Variants in LIN7A observed in about 807,000 individuals in gnomAD.
The protein encoded by LIN7A is protein lin-7 homolog A.
A neutral mutation model predicts 29.8 loss-of-function variants in LIN7A; 25 were observed. That is an observed-to-expected ratio of 0.84 (90% CI 0.61 to 1.17). The LOEUF (loss-of-function observed/expected upper bound fraction) is 1.17. LIN7A is among the 50% of genes most tolerant of loss of function. The probability of loss-of-function intolerance (pLI) is 0.00; values close to 1 mark genes in which losing one functional copy is unlikely to be tolerated. For synonymous variants in LIN7A, 118 were observed against 107.5 expected, an observed-to-expected ratio of 1.10 and a Z score of -0.60; for missense variants, 239 against 287.0, an observed-to-expected ratio of 0.83 and a Z score of 1.21.
chr12:80,890,543 C>T (rs187064966), intron 1 of LIN7A, among the ~76,000 whole-genome samples: 2 of 152,184 alleles, frequency 1.3e-5, no homozygotes, highest in East Asian at 1.9e-4. Context: ...TTGTTAGCAC[C>T]TCAGAATCTG....
chr12:80,905,449 T>C (rs936026711), intron 1 of LIN7A, among the ~76,000 whole-genome samples: 2 of 152,220 alleles, frequency 1.3e-5, no homozygotes, highest in Non-Finnish European at 2.9e-5. Flanking sequence ...ATATGGTAAA[T>C]CATCCACAGA....
At chr12:80,933,372 A>G (rs1231339548) in intron 1 of LIN7A, among the ~76,000 whole-genome samples, 1 of 152,126 alleles carries the variant, frequency 6.6e-6, no homozygotes, top group Non-Finnish European at 1.5e-5. Flanking sequence ...GTGACTGTGG[A>G]CCTGCTTTTA....
At chr12:80,909,708 G>A (rs547983283) in intron 1 of LIN7A, among the ~76,000 whole-genome samples, 2 of 152,008 alleles carry the variant, frequency 1.3e-5, no homozygotes, top group Admixed American at 6.6e-5. Context: ...CTAATAGTAC[G>A]GCCTTGGAAG....
chr12:80,798,500 A>T (rs377628754), intron 5 of LIN7A, among the ~76,000 whole-genome samples: 21 of 152,258 alleles, frequency 1.4e-4, no homozygotes, highest in African/African-American at 5.1e-4. Flanking sequence ...GTGGATTGAA[A>T]ACCGTGCATA....
At chr12:80,859,152 G>A (rs1421329925) in intron 2 of LIN7A, among the ~76,000 whole-genome samples, 1 of 152,080 alleles carries the variant, frequency 6.6e-6, no homozygotes, top group East Asian at 1.9e-4. Flanking sequence ...TATAATATTT[G>A]ACACACCGTT....
chr12:80,811,017 A>G (rs1291229146), intron 5 of LIN7A, among the ~76,000 whole-genome samples: 1 of 152,130 alleles, frequency 6.6e-6, no homozygotes, highest in Non-Finnish European at 1.5e-5. Context: ...TCTAAAGGAG[A>G]TCTTTCCAGG....
At chr12:80,837,129 A>T (rs1872619100) in intron 4 of LIN7A, among the ~76,000 whole-genome samples, 1 of 152,114 alleles carries the variant, frequency 6.6e-6, no homozygotes, top group South Asian at 2.1e-4. Context: ...CTGTTTTGAG[A>T]CTAGAAAACC....
In LIN7A at chr12:80,867,545, C is replaced by CT. The variant is rs919543449; in HGVS notation, c.202-19224dup. Among the ~76,000 whole-genome samples, 19 of 152,060 alleles carry CT rather than the reference C, an allele frequency of 1.2e-4. No homozygotes were observed. In the East Asian group the frequency reaches 2.7e-3, roughly 22 times the overall value. ...CAGCTCTGGAGTATCTGCTGTATTC[C>CT]TTTTTTTTCATGATCTAACAGATAG... On this transcript the variant is annotated intron_variant, in intron 2 of 5. Coordinates refer to ENST00000552864, the MANE Select transcript of LIN7A (RefSeq NM_004664.4).
chr12:80,842,190 TCCC>T, intron 4 of LIN7A: 1 of 1,167,172 alleles, frequency 8.6e-7, no homozygotes, highest in Non-Finnish European at 1.1e-6. Context: ...TTTATTGATT[TCCC>T]CCCCTTTCCA....
intron 2 of LIN7A, among the ~76,000 whole-genome samples, chr12:80,868,372 C>G (rs963951048): frequency 1.3e-5 from 2 of 152,158 alleles, no homozygotes; most frequent in African/African-American, 4.8e-5. Flanking sequence ...AGTTCGAGAC[C>G]AGCCTGACCA....
In LIN7A at chr12:80,793,735, G is replaced by A. The variant is rs1870315202; in HGVS notation, c.*3992C>T. The stretch of plus-strand genomic sequence containing the variant: ...ATAAATGATCTTTTGAAAATAGGAA[G>A]AGATTTAGGGATGGTGTCTCCAATT... On this transcript the variant is annotated 3_prime_UTR_variant, in exon 6 of 6. Coordinates refer to ENST00000552864, the MANE Select transcript of LIN7A (RefSeq NM_004664.4). 1 of 152,142 alleles carries A rather than the reference G, an allele frequency of 6.6e-6. No homozygotes were observed. Among genetic ancestry groups the A allele is most frequent in the African/African-American group, 2.4e-5 (1 of 41,448 alleles). 9.4% of individuals were successfully genotyped at this position (152,142 alleles called of 1,614,324 possible).
At chr12:80,848,538 T>C (rs1274400330) in intron 2 of LIN7A, among the ~76,000 whole-genome samples, 1 of 151,990 alleles carries the variant, frequency 6.6e-6, no homozygotes, top group Non-Finnish European at 1.5e-5. Flanking sequence ...ATCATTAAAA[T>C]GTAGTAGAAA....
chr12:80,930,615 C>G (rs1877848385), intron 1 of LIN7A, among the ~76,000 whole-genome samples: 1 of 152,204 alleles, frequency 6.6e-6, no homozygotes, highest in South Asian at 2.1e-4. Context: ...TGTATTCTGA[C>G]ATTAGCTCGT....
intron 5 of LIN7A, among the ~76,000 whole-genome samples, chr12:80,801,552 A>G (rs922322982): frequency 2.6e-5 from 4 of 152,190 alleles, no homozygotes; most frequent in African/African-American, 7.2e-5. Flanking sequence ...GTGATGTACA[A>G]ATTTGTGATG....
intron 5 of LIN7A, among the ~76,000 whole-genome samples, chr12:80,800,934 G>A (rs893823873): frequency 4.6e-5 from 7 of 152,018 alleles, no homozygotes; most frequent in African/African-American, 1.4e-4. Context: ...ATTGATTATT[G>A]TATACCTAGA....
At chr12:80,844,554 C>A (rs12314357) in intron 4 of LIN7A, among the ~76,000 whole-genome samples, 1 of 151,994 alleles carries the variant, frequency 6.6e-6, no homozygotes, top group South Asian at 2.1e-4. Flanking sequence ...TAACTGAAAT[C>A]GAGTTTATAT....
chr12:80,822,789 G>T (rs888370560), intron 4 of LIN7A, among the ~76,000 whole-genome samples: 4 of 152,058 alleles, frequency 2.6e-5, no homozygotes, highest in African/African-American at 9.7e-5. Flanking sequence ...GGTGCCATGG[G>T]CATCAAGGAT....
At chr12:80,866,545 C>T (rs1874144818) in intron 2 of LIN7A, among the ~76,000 whole-genome samples, 1 of 151,996 alleles carries the variant, frequency 6.6e-6, no homozygotes, top group Admixed American at 6.6e-5. Flanking sequence ...ATATGGTTTC[C>T]AAATGTTGCT....
intron 1 of LIN7A, among the ~76,000 whole-genome samples, chr12:80,899,131 C>G (rs915755098): frequency 2.0e-5 from 3 of 151,998 alleles, no homozygotes; most frequent in East Asian, 3.9e-4. Flanking sequence ...ATAGATGGCT[C>G]TTATTATTTT....
Sources: allele counts gnomAD v4.1 joint callset (sites outside exome capture counted in the v4.1 genomes callset), GRCh38; gene constraint gnomAD v4.1.1; transcripts MANE v1.5; gene names NCBI Gene and HGNC (gene_info 2026-07-23, HGNC 2026-07-21).